AGO3: variants seen among roughly 807,000 people sequenced by gnomAD.
The protein encoded by AGO3 is protein argonaute-3.
AGO3 carries 16 observed loss-of-function variants against 105.5 expected under a neutral mutation model. The observed-to-expected ratio is 0.15, with a 90% CI of 0.10 to 0.23. The LOEUF (loss-of-function observed/expected upper bound fraction) is 0.23, where lower values mean the gene tolerates loss of function less well. Ranked by LOEUF, AGO3 falls within the 10% of genes least tolerant of loss-of-function variation. The pLI is 1.00. For synonymous variants in AGO3, 340 were observed against 367.3 expected (o/e 0.93, Z 0.85); for missense variants, 534 against 1,088.0 (o/e 0.49, Z 7.16).
At chr1:36,001,561 T>C (rs1640087502) in intron 5 of AGO3, among the ~76,000 whole-genome samples, 1 of 152,202 alleles carries the variant, frequency 6.6e-6, no homozygotes, top group Non-Finnish European at 1.5e-5. Context: ...TACTTAATTA[T>C]CATGCACCCA....
At chr1:36,049,373 C>T (rs1394848810) in intron 17 of AGO3, among the ~76,000 whole-genome samples, 1 of 151,974 alleles carries the variant, frequency 6.6e-6, no homozygotes, top group East Asian at 1.9e-4. Flanking sequence ...CAAAAATTAG[C>T]CAGGCATGGT....
At chr1:35,934,002 CA>C (rs568183256) in intron 1 of AGO3, among the ~76,000 whole-genome samples, 22 of 149,564 alleles carry the variant, frequency 1.5e-4, no homozygotes, top group South Asian at 8.4e-4. Flanking sequence ...TTTGATTTAA[CA>C]AAAAAAAAGG....
intron 5 of AGO3, among the ~76,000 whole-genome samples, chr1:35,993,658 ATAATG>A (rs765792205): frequency 2.4e-4 from 37 of 151,864 alleles, no homozygotes; most frequent in Middle Eastern, 3.4e-3. Context: ...AGTTTTTTCT[ATAATG>A]TAAGGAAAAA....
intron 1 of AGO3, among the ~76,000 whole-genome samples, chr1:35,943,048 G>T (rs1209591895): frequency 2.6e-5 from 4 of 151,924 alleles, no homozygotes; most frequent in Non-Finnish European, 5.9e-5. Flanking sequence ...TGTCACCCAG[G>T]CGGGAGTGCA....
At chr1:35,957,943 A>G (rs1646601532) in intron 2 of AGO3, among the ~76,000 whole-genome samples, 1 of 151,754 alleles carries the variant, frequency 6.6e-6, no homozygotes, top group African/African-American at 2.4e-5. Context: ...GTGTACACCT[A>G]TAGTCCTAGC....
In AGO3 at chr1:36,008,974, A is replaced by G. The variant is rs372692110; in HGVS notation, c.959A>G (p.Gln320Arg). The G allele has an allele frequency of 9.3e-6, 15 of 1,613,092 alleles. No homozygotes were observed. The highest frequency in any genetic ancestry group is 1.2e-5 in the Non-Finnish European group (14 of 1,179,692). ...TATTTCAGAGAAAAGTATACTCTTC[A>G]GCTGAAGTACCCGCACCTTCCCTGT... ...AQYFREKYTLQLKYPHLPCLQ... is the reference protein window; with the variant it reads ...AQYFREKYTLRLKYPHLPCLQ... Residue 320 changes from glutamine to arginine, a missense_variant, in exon 8 of 19, where the codon CAG becomes CGG. Gln to Arg is a conservative substitution (Grantham distance 43). Coordinates refer to ENST00000373191, the MANE Select transcript of AGO3 (RefSeq NM_024852.4). This position sits in a 1 kb window ranked among gnomAD's most constrained non-coding sequence, Gnocchi z 5.1.
Position 36,022,669 on chromosome 1 carries a change from C to T in AGO3, c.1407-4445C>T, listed in dbSNP as rs113227710. ...GGCATAGGCTGGGCGCAGTGGCTCACGACTGTAATCCCAGCACTTTGGGAG... is the reference window on the plus strand; with the variant it reads ...GGCATAGGCTGGGCGCAGTGGCTCATGACTGTAATCCCAGCACTTTGGGAG... On this transcript the variant is annotated intron_variant, in intron 11 of 18. Transcript: ENST00000373191. 3.2e-3 allele frequency among the ~76,000 whole-genome samples: 486 copies of T among 152,078 alleles called. 2 individuals are homozygous for T. Among genetic ancestry groups the T allele is most frequent in the African/African-American group, 0.011 (461 of 41,498 alleles).
chr1:36,054,456 TG>T (rs1162261976), intron 17 of AGO3, among the ~76,000 whole-genome samples: 1 of 152,038 alleles, frequency 6.6e-6, no homozygotes, highest in Non-Finnish European at 1.5e-5. Flanking sequence ...TTTTACCTTT[TG>T]TGGAGATGGA....
At chr1:35,998,524 TCTGAGAG>T (rs1639944036) in intron 5 of AGO3, among the ~76,000 whole-genome samples, 1 of 152,172 alleles carries the variant, frequency 6.6e-6, no homozygotes, top group Admixed American at 6.5e-5. Context: ...ATTCCTACAG[TCTGAGAG>T]CTTTCATTCT....
At chr1:36,014,771 CAAAAAAAAAAAA>C (rs58580607) in intron 11 of AGO3, among the ~76,000 whole-genome samples, 2 of 58,576 alleles carry the variant, frequency 3.4e-5, no homozygotes, top group East Asian at 6.4e-4. Context: ...ACTCTGTCTC[CAAAAAAAAAAAA>C]AAAAAAACTT....
At position 36,004,468 on chromosome 1, in the gene AGO3, G is replaced by A. The variant is rs1640247726; in HGVS notation, c.786G>A (p.Glu262=). 6.3e-7 allele frequency: 1 copy of A among 1,591,304 alleles called. No homozygotes were observed. Among genetic ancestry groups the A allele is most frequent in the Non-Finnish European group, 8.6e-7 (1 of 1,166,510 alleles). Residue 262 remains glutamate, a synonymous_variant, in exon 6 of 19, where the codon GAG becomes GAA. Coordinates refer to ENST00000373191, the MANE Select transcript of AGO3 (RefSeq NM_024852.4). ...CTCATCGGGTAAAATTCACCAAAGA[G>A]ATAAAAGGTGAATTAATTAGCATTT... The part of the protein sequence containing the change: ...TDSHRVKFTK[E]IKGLKVEVTH...
chr1:35,948,446 C>T (rs901238342), intron 2 of AGO3, among the ~76,000 whole-genome samples: 1 of 151,976 alleles, frequency 6.6e-6, no homozygotes, highest in Non-Finnish European at 1.5e-5. Context: ...TCTTGAACTC[C>T]TGACCTTGTG....
intron 5 of AGO3, among the ~76,000 whole-genome samples, chr1:35,990,563 A>G (rs577132566): frequency 5.9e-5 from 9 of 152,208 alleles, no homozygotes; most frequent in Admixed American, 5.9e-4. Flanking sequence ...AGCTGTCCGT[A>G]AAACATTCAC....
intron 2 of AGO3, among the ~76,000 whole-genome samples, chr1:35,964,257 C>T (rs1646733306): frequency 1.3e-5 from 2 of 151,980 alleles, no homozygotes; most frequent in African/African-American, 4.8e-5. Context: ...GTTATTTTTC[C>T]TGATACTCTC....
chr1:36,035,358 G>A (rs919076874), intron 13 of AGO3, among the ~76,000 whole-genome samples: 4 of 152,036 alleles, frequency 2.6e-5, no homozygotes, highest in Admixed American at 6.6e-5. Flanking sequence ...CTGTGATTAC[G>A]CCACTGCACT....
intron 5 of AGO3, among the ~76,000 whole-genome samples, chr1:36,003,694 CAA>C (rs1209511459): frequency 0.01 from 538 of 53,442 alleles, 7 homozygotes; most frequent in Middle Eastern, 0.029. Context: ...AAGTCTGTCT[CAA>C]AAAAAAAAAA....
intron 1 of AGO3, among the ~76,000 whole-genome samples, chr1:35,943,601 CTT>C (rs59873910): frequency 0.085 from 10,431 of 123,206 alleles, 1,557 homozygotes; most frequent in East Asian, 0.67. Context: ...ACCCCCAGCC[CTT>C]TTTTTTTTTT....
At position 35,967,013 on chromosome 1, in the gene AGO3, C is replaced by G; in HGVS notation, c.250C>G (p.Pro84Ala). The G allele has an allele frequency of 6.2e-7, 1 of 1,613,718 alleles. No homozygotes were observed. Among genetic ancestry groups the G allele is most frequent in the South Asian group, 1.1e-5 (1 of 91,036 alleles). Residue 84 changes from proline to alanine, a missense_variant, in exon 3 of 19, where the codon CCA (proline) becomes GCA (alanine). This residue lies in a region of AGO3 where 161 missense variants were observed against 234.0 expected (regional missense o/e 0.69). Coordinates refer to ENST00000373191, the MANE Select transcript of AGO3 (RefSeq NM_024852.4). ...FKVTIFGDRR[P>A]VYDGKRSLYT... ...AGTAACTATATTTGGAGACCGTAGA[C>G]CAGTTTATGATGGAAAAAGAAGTCT...
chr1:36,009,402 T>C, intron 8 of AGO3, 73 bp from the exon 9 acceptor site: 2 of 1,469,056 alleles, frequency 1.4e-6, no homozygotes, highest in Non-Finnish European at 1.8e-6. Context: ...TTTATTTACA[T>C]GTAATTGGCA....
Sources: allele counts gnomAD v4.1 joint callset (sites outside exome capture counted in the v4.1 genomes callset), GRCh38; gene constraint gnomAD v4.1.1; regional missense constraint gnomAD v4.1.1; non-coding constraint Gnocchi (gnomAD v3.1); transcripts MANE v1.5; gene names NCBI Gene and HGNC (gene_info 2026-07-23, HGNC 2026-07-21).